MBTD1: variants seen among roughly 807,000 people sequenced by gnomAD.
The protein encoded by MBTD1 is MBT domain-containing protein 1.
Under a neutral mutation model 87.8 loss-of-function variants are expected in MBTD1, and 24 were observed. That is an observed-to-expected ratio of 0.27 (90% CI 0.20 to 0.38). The LOEUF is 0.38. Ranked by LOEUF, MBTD1 falls within the 10% of genes least tolerant of loss-of-function variation. The probability of loss-of-function intolerance (pLI) is 1.00; values close to 1 mark genes in which losing one functional copy is unlikely to be tolerated. For synonymous variants in MBTD1, 237 were observed against 248.6 expected, an observed-to-expected ratio of 0.95 and a Z score of 0.44; for missense variants, 436 against 760.2, an observed-to-expected ratio of 0.57 and a Z score of 5.02.
At position 51,202,710 on chromosome 17, in the gene MBTD1, T is replaced by C; in HGVS notation, c.1054A>G (p.Lys352Glu). ...GWSRSIGHRF[K>E]RSDITKKQDG... is the part of the protein sequence containing the mutation. The stretch of plus-strand genomic sequence containing the variant: ...TGTGATAGGTGCTTACCAGATCTTT[T>C]GAATCGATGACCTATGCTTCGAGAC... Residue 352 changes from lysine (K) to glutamate (E), a missense_variant, in exon 10 of 17, where the codon AAA (lysine) becomes GAA (glutamate). Transcript: ENST00000586178. The C allele has an allele frequency of 2.5e-6, 4 of 1,613,502 alleles. No individual in the cohort carries two copies. Among genetic ancestry groups the C allele is most frequent in the Non-Finnish European group, 3.4e-6 (4 of 1,179,376 alleles).
chr17:51,201,886 G>T, intron 11 of MBTD1, 136 bp downstream of exon 11: 1 of 708,336 alleles, frequency 1.4e-6, no homozygotes. Flanking sequence ...AAAGAGTTGT[G>T]ACACCTATGA....
chr17:51,216,245 T>G (rs182852750), intron 6 of MBTD1, among the ~76,000 whole-genome samples: 3 of 152,302 alleles, frequency 2.0e-5, no homozygotes, highest in African/African-American at 7.2e-5. Flanking sequence ...AGCCCTAAGT[T>G]AACAAAATGT....
At chr17:51,252,555 G>T (rs577057316) in intron 2 of MBTD1, among the ~76,000 whole-genome samples, 1 of 152,072 alleles carries the variant, frequency 6.6e-6, no homozygotes, top group South Asian at 2.1e-4. Context: ...GGCCAATATG[G>T]TAAAACCCCA....
intron 1 of MBTD1, 106 bp downstream of exon 1, chr17:51,259,729 G>GC (rs1348220830): frequency 1.9e-6 from 2 of 1,077,624 alleles, no homozygotes. Context: ...GGATGGAGAA[G>GC]CAGGCCAGGG....
At chr17:51,194,103 T>C (rs73351797) in intron 13 of MBTD1, among the ~76,000 whole-genome samples, 555 of 152,330 alleles carry the variant, frequency 3.6e-3, no homozygotes, top group African/African-American at 0.013. Context: ...CACCTAATAC[T>C]ATGGACTGAT....
intron 6 of MBTD1, among the ~76,000 whole-genome samples, chr17:51,211,138 T>TAA (rs955340550): frequency 1.1e-4 from 5 of 45,406 alleles, no homozygotes; most frequent in African/African-American, 1.7e-4. Flanking sequence ...CTACATCTCA[T>TAA]AAAAAAAAAA....
chr17:51,245,159 C>G (rs2054361066), intron 2 of MBTD1, among the ~76,000 whole-genome samples: 1 of 152,220 alleles, frequency 6.6e-6, no homozygotes, highest in South Asian at 2.1e-4. Context: ...CTCAGCCTCC[C>G]AAAGTGCTGG....
At chr17:51,260,630 G>T (rs532829481), upstream of MBTD1, 1 of 1,612,700 alleles carries the variant, frequency 6.2e-7, no homozygotes, top group Non-Finnish European at 8.5e-7. Context: ...CCGGAGAACC[G>T]GAGCGAAGCC....
At chr17:51,227,953 A>C (rs1356811932) in intron 2 of MBTD1, among the ~76,000 whole-genome samples, 4 of 151,524 alleles carry the variant, frequency 2.6e-5, no homozygotes, top group Non-Finnish European at 5.9e-5. Flanking sequence ...TTCCGTCTCA[A>C]GAAAAAAAAA....
intron 6 of MBTD1, among the ~76,000 whole-genome samples, chr17:51,213,575 A>G (rs1341625951): frequency 6.6e-6 from 1 of 152,164 alleles, no homozygotes; most frequent in East Asian, 1.9e-4. Context: ...TGCATTATGA[A>G]AAATGGGTTA....
chr17:51,260,530 G>C, upstream of MBTD1: 1 of 1,548,636 alleles, frequency 6.5e-7, no homozygotes. Context: ...AGGGGCCTGG[G>C]CGCATGCGCA....
chr17:51,253,465 G>A (rs1371575337), intron 2 of MBTD1, among the ~76,000 whole-genome samples: 2 of 151,894 alleles, frequency 1.3e-5, no homozygotes, highest in Non-Finnish European at 2.9e-5. Flanking sequence ...ATACTGAGTG[G>A]AAAAAATAAA....
upstream of MBTD1, chr17:51,260,516 C>T (rs1164325559): frequency 5.4e-6 from 8 of 1,482,802 alleles, no homozygotes; most frequent in Admixed American, 1.9e-4. Flanking sequence ...GGCGGCGGCC[C>T]GCGAGGGGCC....
intron 14 of MBTD1, 67 bp downstream of exon 14, chr17:51,193,361 T>A: frequency 1.9e-6 from 2 of 1,072,006 alleles, no homozygotes; most frequent in South Asian, 2.8e-5. Flanking sequence ...GACATTTTTA[T>A]GAACATAAAT....
chr17:51,206,601 G>A (rs2143242992), intron 7 of MBTD1, among the ~76,000 whole-genome samples: 1 of 152,172 alleles, frequency 6.6e-6, no homozygotes, highest in South Asian at 2.1e-4. Flanking sequence ...CAAATTTCCT[G>A]TAAATAAAGT....
At chr17:51,187,690 A>T (rs1481370313) in intron 16 of MBTD1, among the ~76,000 whole-genome samples, 1 of 152,010 alleles carries the variant, frequency 6.6e-6, no homozygotes, top group Non-Finnish European at 1.5e-5. Flanking sequence ...TCTCTACTAA[A>T]AATACAAAAA....
intron 7 of MBTD1, among the ~76,000 whole-genome samples, chr17:51,205,716 G>C (rs2051783390): frequency 6.6e-6 from 1 of 152,082 alleles, no homozygotes; most frequent in Non-Finnish European, 1.5e-5. Flanking sequence ...TCTGGCATGT[G>C]GTATATGGTG....
At chr17:51,202,244 A>G (rs545566856) in intron 10 of MBTD1, among the ~76,000 whole-genome samples, 167 bp from the exon 11 acceptor site, 17 of 152,326 alleles carry the variant, frequency 1.1e-4, no homozygotes, top group African/African-American at 4.1e-4. Flanking sequence ...TTCTCTCTTC[A>G]GAGTACATGT....
At position 51,179,481 on chromosome 17, in the gene MBTD1, A is replaced by ATTATATATATATAT. The variant is rs1491272569; in HGVS notation, c.*1094_*1095insATATATATATATAA. 4.1e-5 allele frequency: 2 copies of ATTATATATATATAT among 49,292 alleles called. 1 individual carries two copies. Among genetic ancestry groups the ATTATATATATATAT allele is most frequent in the African/African-American group, 1.5e-4 (2 of 13,788 alleles). The allele number at this position is 49,292 out of a possible 1,614,324, so 3.1% of individuals were successfully genotyped here. ...TAAATCCTGAATACAATTAAAGACAATTTTATATATATATATATATATATA... is the reference window on the plus strand; with the variant it reads ...TAAATCCTGAATACAATTAAAGACAATTATATATATATATTTTTATATATATATATATATATATA... On this transcript the variant is annotated 3_prime_UTR_variant, in exon 17 of 17. Coordinates refer to ENST00000586178, the MANE Select transcript of MBTD1 (RefSeq NM_017643.3).
Sources: gnomAD v4.1 joint callset for allele counts (sites outside exome capture counted in the v4.1 genomes callset) on GRCh38, gnomAD v4.1.1 for gene constraint, MANE v1.5 for transcripts, NCBI Gene and HGNC (gene_info 2026-07-23, HGNC 2026-07-21) for gene names.